Variants in LRMDA observed in about 807,000 individuals in gnomAD.
LRMDA encodes leucine rich melanocyte differentiation associated, also known as leucine-rich melanocyte differentiation-associated protein.
LRMDA carries 18 observed loss-of-function variants against 29.8 expected under a neutral mutation model. The observed-to-expected ratio is 0.60, with a 90% CI of 0.42 to 0.90. LRMDA has a LOEUF of 0.90. LRMDA is among the 40% of genes least tolerant of loss of function. The probability of loss-of-function intolerance (pLI) is 0.00; values close to 1 mark genes in which losing one functional copy is unlikely to be tolerated. For missense variants in LRMDA, 273 were observed against 273.9 expected (o/e 1.00, Z 0.02); for synonymous variants, 125 against 109.4 (o/e 1.14, Z -0.89).
chr10:76,144,040 T>C (rs542935461), intron 5 of LRMDA, among the ~76,000 whole-genome samples: 113 of 152,222 alleles, frequency 7.4e-4, no homozygotes, highest in African/African-American at 2.5e-3. Context: ...TGTTCTGTTC[T>C]ATTGGTCTAT....
chr10:75,621,226 C>CACACA (rs1554816450), intron 2 of LRMDA, among the ~76,000 whole-genome samples: 2,560 of 116,742 alleles, frequency 0.022, 73 homozygotes, highest in African/African-American at 0.073. Context: ...ACACACACAC[C>CACACA]CACACACCCA....
intron 2 of LRMDA, among the ~76,000 whole-genome samples, chr10:75,973,270 G>A (rs7477191): frequency 8.1e-4 from 124 of 152,326 alleles, no homozygotes; most frequent in Non-Finnish European, 1.4e-3. Context: ...ACAGAGCTGG[G>A]ATTCAAACTC....
In LRMDA at chr10:76,268,748, G is replaced by A. The variant is rs145507584; in HGVS notation, c.517-55653G>A. Among the ~76,000 whole-genome samples, 23 of 152,204 alleles carry A rather than the reference G, an allele frequency of 1.5e-4. No homozygotes were observed. In the East Asian group the frequency reaches 4.3e-3, roughly 28 times the overall value. ...GTGAGTAAATCAGCTCTGTCCTTAC[G>A]CCCCCATTGCATCAGGGAAATCTCT... On this transcript the variant is annotated intron_variant, in intron 5 of 6. Transcript: ENST00000611255.
intron 2 of LRMDA, among the ~76,000 whole-genome samples, chr10:75,720,333 C>CTTCGCA (rs1842551074): frequency 6.6e-6 from 1 of 152,178 alleles, no homozygotes; most frequent in Non-Finnish European, 1.5e-5. Context: ...TTCTCCATCA[C>CTTCGCA]TAATTGCATA....
intron 5 of LRMDA, among the ~76,000 whole-genome samples, chr10:76,194,414 G>T (rs1157578093): frequency 6.6e-6 from 1 of 152,034 alleles, no homozygotes; most frequent in African/African-American, 2.4e-5. Flanking sequence ...ACACTGTTTG[G>T]GTATCCGGGT....
intron 2 of LRMDA, among the ~76,000 whole-genome samples, chr10:75,968,101 C>T (rs1440487578): frequency 6.6e-6 from 1 of 151,802 alleles, no homozygotes. Context: ...GTTGGCTCTG[C>T]AGTGGGAGTG....
intron 5 of LRMDA, among the ~76,000 whole-genome samples, chr10:76,193,688 G>C (rs573479791): frequency 4.6e-5 from 7 of 152,216 alleles, no homozygotes; most frequent in Admixed American, 4.6e-4. Context: ...CCATGAAACT[G>C]ACCAGAAAAC....
At chr10:76,331,485 T>C (rs927396385) in intron 6 of LRMDA, among the ~76,000 whole-genome samples, 7 of 152,290 alleles carry the variant, frequency 4.6e-5, no homozygotes, top group South Asian at 4.1e-4. Flanking sequence ...TGAAAGTTCA[T>C]AGAAGCACAA....
intron 5 of LRMDA, among the ~76,000 whole-genome samples, chr10:76,283,102 G>T (rs922561952): frequency 1.1e-4 from 16 of 152,170 alleles, no homozygotes; most frequent in African/African-American, 3.4e-4. Flanking sequence ...GCATATCTTA[G>T]GGTGTACAGT....
At chr10:76,003,646 C>T (rs529304945) in intron 2 of LRMDA, among the ~76,000 whole-genome samples, 1 of 152,126 alleles carries the variant, frequency 6.6e-6, no homozygotes, top group East Asian at 1.9e-4. Context: ...TCAGGAGAGG[C>T]AGCATTAGGA....
At position 75,690,992 on chromosome 10, in the gene LRMDA, T is replaced by TACACAC. The variant is rs1280785863; in HGVS notation, c.131+252499_131+252500insCACACA. Among the ~76,000 whole-genome samples, 734 of 94,034 alleles carry TACACAC rather than the reference T, an allele frequency of 7.8e-3. 10 individuals carry two copies. The highest frequency in any genetic ancestry group is 0.023 in the African/African-American group (511 of 22,164). The allele number at this position is 94,034 out of a possible 152,430, so 61.7% of individuals were successfully genotyped here. A position where few individuals can be genotyped will look rare whatever the true frequency, so the allele number is the denominator to read the frequency against. On this transcript the variant is annotated intron_variant, in intron 2 of 6. Coordinates refer to ENST00000611255, the MANE Select transcript of LRMDA (RefSeq NM_001305581.2). ...CTTAAAAAAAAAATATATATATATA[T>TACACAC]ATACACACACACACACACACACACA...
chr10:76,384,685 T>C (rs1841639063), intron 6 of LRMDA, among the ~76,000 whole-genome samples: 2 of 152,216 alleles, frequency 1.3e-5, no homozygotes, highest in Admixed American at 1.3e-4. Flanking sequence ...TCCCCTGAGC[T>C]GTTCTCTTTA....
intron 2 of LRMDA, among the ~76,000 whole-genome samples, chr10:75,577,775 A>T (rs1204203472): frequency 6.6e-6 from 1 of 152,202 alleles, no homozygotes; most frequent in East Asian, 1.9e-4. Flanking sequence ...AGAATTTCAT[A>T]TCCAGCTAAA....
intron 5 of LRMDA, among the ~76,000 whole-genome samples, chr10:76,081,331 G>A (rs1409299800): frequency 7.2e-5 from 11 of 152,092 alleles, no homozygotes; most frequent in African/African-American, 1.4e-4. Context: ...AAAATTAGCC[G>A]GGTGTGGTGG....
intron 5 of LRMDA, among the ~76,000 whole-genome samples, chr10:76,294,082 A>G (rs1840383079): frequency 6.6e-6 from 1 of 152,170 alleles, no homozygotes; most frequent in African/African-American, 2.4e-5. Context: ...GTGTTCTGAT[A>G]TTGGCTGTGC....
intron 2 of LRMDA, among the ~76,000 whole-genome samples, chr10:75,934,020 G>A (rs868479570): frequency 1.3e-5 from 2 of 152,152 alleles, no homozygotes; most frequent in South Asian, 4.1e-4. Context: ...AGTGATGAGA[G>A]GACCAAGCAG....
At chr10:76,411,949 G>A (rs1385268013) in intron 6 of LRMDA, among the ~76,000 whole-genome samples, 1 of 152,244 alleles carries the variant, frequency 6.6e-6, no homozygotes, top group East Asian at 1.9e-4. Context: ...CTGAGGGAAT[G>A]GAGAATGTTT....
chr10:75,519,006 G>T (rs1845326727), intron 2 of LRMDA, among the ~76,000 whole-genome samples: 1 of 152,198 alleles, frequency 6.6e-6, no homozygotes, highest in African/African-American at 2.4e-5. Context: ...CCATGTAGTT[G>T]TGGGTTTTGA....
chr10:76,395,887 C>G (rs949613831), intron 6 of LRMDA, among the ~76,000 whole-genome samples: 5 of 152,246 alleles, frequency 3.3e-5, no homozygotes, highest in Non-Finnish European at 7.3e-5. Context: ...AGAATATAAA[C>G]TGCATAACTG....
Sources: allele counts gnomAD v4.1 joint callset (sites outside exome capture counted in the v4.1 genomes callset), GRCh38; gene constraint gnomAD v4.1.1; transcripts MANE v1.5; gene names NCBI Gene and HGNC (gene_info 2026-07-23, HGNC 2026-07-21).